The following NBPF15 variants were observed in gnomAD, a reference collection of about 807,000 sequenced individuals.
NBPF15 encodes the protein NBPF member 15.
Under a neutral mutation model 62.2 loss-of-function variants are expected in NBPF15, and 74 were observed. The ratio of observed to expected loss-of-function variants is 1.19; its 90% CI spans 0.99 to 1.44. The LOEUF (loss-of-function observed/expected upper bound fraction) is 1.44. Among genes scored for constraint, NBPF15 ranks in the 40% most tolerant of loss-of-function variants. NBPF15 has a pLI of 0.00. For synonymous variants in NBPF15, 244 were observed against 209.7 expected (o/e 1.16, Z -1.41); for missense variants, 790 against 550.0 (o/e 1.44, Z -4.36).
intron 4 of NBPF15, among the ~76,000 whole-genome samples, chr1:144,455,872 C>T (rs1175636198): frequency 6.6e-6 from 1 of 151,976 alleles, no homozygotes; most frequent in East Asian, 1.9e-4. Context: ...TAATAGTCAC[C>T]CCATGAATGC....
intron 13 of NBPF15, among the ~76,000 whole-genome samples, chr1:144,433,124 A>G (rs1675724913): frequency 2.0e-5 from 3 of 152,096 alleles, no homozygotes; most frequent in Non-Finnish European, 4.4e-5. Context: ...GTGCCATCAA[A>G]TTAGAACCCA....
chr1:144,427,460 T>C lies in NBPF15; in HGVS notation c.1213+358A>G, dbSNP rs371848677. On this transcript the variant is annotated intron_variant, in intron 16 of 21. Transcript: ENST00000581897. Reference sequence around the variant, plus strand: ...TCTCATCAAATACTCAGATTGTTCATGGTAGCAAGGATTTTAGACGCTGAA... The same window carrying C: ...TCTCATCAAATACTCAGATTGTTCACGGTAGCAAGGATTTTAGACGCTGAA... 3.6e-4 allele frequency among the ~76,000 whole-genome samples: 54 copies of C among 150,116 alleles called. No individual in the cohort carries two copies. The East Asian group carries it at 7.1e-3, about 20-fold the overall frequency.
At chr1:144,441,270 G>GTA (rs1682737410) in intron 6 of NBPF15, among the ~76,000 whole-genome samples, 1 of 151,422 alleles carries the variant, frequency 6.6e-6, no homozygotes. Flanking sequence ...CAAAGTATTT[G>GTA]TATTGTTTTA....
chr1:144,433,366 A>G (rs1234818948), intron 13 of NBPF15, among the ~76,000 whole-genome samples: 1 of 152,080 alleles, frequency 6.6e-6, no homozygotes, highest in African/African-American at 2.4e-5. Flanking sequence ...TCTAAAATTG[A>G]CATCCTAACA....
In NBPF15 at chr1:144,442,302, A is replaced by C. The variant is rs1684035675; in HGVS notation, c.-190-2007T>G. ...ACACGTGTATATATTATATATATAT[A>C]TACACGTGTATATATTATATATATA... On this transcript the variant is annotated intron_variant, in intron 6 of 21. Transcript: ENST00000581897. 2.3e-5 allele frequency among the ~76,000 whole-genome samples: 3 copies of C among 129,998 alleles called. No individual in the cohort carries two copies. In the Admixed American group the frequency reaches 2.4e-4, roughly 10 times the overall value. The allele number at this position is 129,998 out of a possible 152,430, so 85.3% of individuals were successfully genotyped here.
chr1:144,440,407 G>T (rs1381689807), intron 6 of NBPF15, 112 bp from the exon 7 acceptor site: 8 of 604,410 alleles, frequency 1.3e-5, no homozygotes, highest in East Asian at 2.8e-5. Flanking sequence ...CTCACCTGAG[G>T]GTCACCACCA....
At chr1:144,445,269 T>G (rs1553543713) in intron 6 of NBPF15, among the ~76,000 whole-genome samples, 1 of 100,190 alleles carries the variant, frequency 1.0e-5, no homozygotes, top group Non-Finnish European at 2.1e-5. Flanking sequence ...TGTCTGTATA[T>G]GTATATATAT....
Position 144,439,968 on chromosome 1 carries a change from C to A in NBPF15, c.36G>T (p.Lys12Asn). The stretch of plus-strand genomic sequence containing the variant: ...TGATTTCTAGAATGTTCATCTCTGC[C>A]TTCTCGCTGGACAAAGGGCCGGCTG... ...VVSAGPLSSE[K>N]AEMNILEINE... The change falls in exon 8 of 22, where the codon AAG becomes AAT. Residue 12 changes from lysine to asparagine, a missense_variant. By Grantham distance (94) the Lys-to-Asn change is moderately conservative. Coordinates refer to ENST00000581897, the MANE Select transcript of NBPF15 (RefSeq NM_001385408.1). 6.2e-7 allele frequency: 1 copy of A among 1,610,664 alleles called. No homozygotes were observed. Among genetic ancestry groups the A allele is most frequent in the South Asian group, 1.1e-5 (1 of 90,950 alleles).
rs1306213854 is a variant in NBPF15, at chr1:144,442,174, AT to A, written c.-190-1880del. Among the ~76,000 whole-genome samples, 5 of 111,132 alleles carry A rather than the reference AT, an allele frequency of 4.5e-5. 1 individual carries two copies. Among genetic ancestry groups the A allele is most frequent in the Middle Eastern group, 4.6e-3 (1 of 218 alleles). 72.9% of individuals were successfully genotyped at this position (111,132 alleles called of 152,430 possible). ...TATATATACACGTGTATATATATATATATATAATATATATACACGTGTATAT... is the reference window on the plus strand; with the variant it reads ...TATATATACACGTGTATATATATATAATATAATATATATACACGTGTATAT... On this transcript the variant is annotated intron_variant, in intron 6 of 21. Coordinates refer to ENST00000581897, the MANE Select transcript of NBPF15 (RefSeq NM_001385408.1).
Position 144,422,654 on chromosome 1 carries a change from A to T in NBPF15, c.*359T>A, listed in dbSNP as rs1666554821. ...CCAGGGTAACACCTTTGGATGAGCTAAACACAAAGATGACAATGACCTTGA... is the reference window on the plus strand; with the variant it reads ...CCAGGGTAACACCTTTGGATGAGCTTAACACAAAGATGACAATGACCTTGA... On this transcript the variant is annotated 3_prime_UTR_variant, in exon 22 of 22. Transcript: ENST00000581897. The T allele has an allele frequency of 2.5e-6, 1 of 403,182 alleles. No individual in the cohort carries two copies. The highest frequency in any genetic ancestry group is 2.4e-5 in the South Asian group (1 of 41,132). The allele number at this position is 403,182 out of a possible 1,614,324, so 25.0% of individuals were successfully genotyped here.
Position 144,423,112 on chromosome 1 carries a change from C to A in NBPF15, c.1914G>T (p.Glu638Asp). ...CCACGTAAAGGGCGAAGCTGATATG[C>A]TCTTCCTCAAATGAGTAAAACACAC... The part of the protein sequence containing the change: ...YRSVFYSFEE[E>D]HISFALYVDN... Residue 638 changes from glutamate to aspartate, a missense_variant, in exon 22 of 22, where the codon GAG becomes GAT. By Grantham distance (45) the Glu-to-Asp change is conservative. Coordinates refer to ENST00000581897, the MANE Select transcript of NBPF15 (RefSeq NM_001385408.1). 6.2e-7 allele frequency: 1 copy of A among 1,611,636 alleles called. No individual in the cohort carries two copies. Among genetic ancestry groups the A allele is most frequent in the Non-Finnish European group, 8.5e-7 (1 of 1,179,618 alleles).
At chr1:144,459,651 G>A (rs199765068) in intron 2 of NBPF15, among the ~76,000 whole-genome samples, 168 bp from the exon 3 acceptor site, 8 of 151,728 alleles carry the variant, frequency 5.3e-5, no homozygotes, top group East Asian at 3.9e-4. Context: ...AGAAAAACAA[G>A]CATATCAATG....
intron 4 of NBPF15, among the ~76,000 whole-genome samples, chr1:144,453,662 A>AAAAAAAAAAAAAAAAG (rs1165682772): frequency 5.8e-5 from 5 of 86,768 alleles, no homozygotes; most frequent in Admixed American, 1.3e-4. Flanking sequence ...AAAAAAAAAA[A>AAAAAAAAAAAAAAAAG]GTGAAACATC....
In NBPF15 at chr1:144,428,701, TC is replaced by T. The variant is rs1194308062; in HGVS notation, c.989-45del. ...GGGCCCTCTTACATTAAGCAGTTCTTCCTTGCACACAGAAACATTCCTCTGT... is the reference window on the plus strand; with the variant it reads ...GGGCCCTCTTACATTAAGCAGTTCTTCTTGCACACAGAAACATTCCTCTGT... On this transcript the variant is annotated intron_variant, in intron 14 of 21. Transcript: ENST00000581897. The T allele has an allele frequency of 5.0e-6, 4 of 805,246 alleles. No homozygotes were observed. The African/African-American group carries it at 6.6e-5, about 13-fold the overall frequency. 49.9% of individuals were successfully genotyped at this position (805,246 alleles called of 1,614,324 possible). A position where few individuals can be genotyped will look rare whatever the true frequency, so the allele number is the denominator to read the frequency against.
chr1:144,434,750 C>T (rs1487706378), intron 12 of NBPF15, among the ~76,000 whole-genome samples: 3 of 151,822 alleles, frequency 2.0e-5, no homozygotes, highest in South Asian at 2.1e-4. Context: ...GGCAAGGCTG[C>T]CAGCTTCCTT....
At chr1:144,433,484 A>G (rs1312363048) in intron 13 of NBPF15, among the ~76,000 whole-genome samples, 7 of 146,718 alleles carry the variant, frequency 4.8e-5, no homozygotes, top group African/African-American at 1.8e-4. Context: ...GACACAAAAA[A>G]CCCTTCAAAA....
chr1:144,453,316 T>G (rs1218246966), intron 4 of NBPF15, among the ~76,000 whole-genome samples: 1 of 151,836 alleles, frequency 6.6e-6, no homozygotes. Context: ...GGTATGCATG[T>G]TATACCCTTT....
rs1406158128 is a variant in NBPF15, at chr1:144,424,428, A to T, written c.1663+262T>A. ...AATCATAGTTCTCTGAATTTGTCAC[A>T]TCTGCCCAGGTCCAATGTCATGAGA... On this transcript the variant is annotated intron_variant, in intron 20 of 21. Transcript: ENST00000581897. 7.9e-5 allele frequency among the ~76,000 whole-genome samples: 12 copies of T among 151,958 alleles called. 1 individual carries two copies. The highest frequency in any genetic ancestry group is 1.5e-4 in the Non-Finnish European group (10 of 67,940).
intron 12 of NBPF15, 143 bp downstream of exon 12, chr1:144,434,968 A>T (rs1553540757): frequency 7.2e-7 from 1 of 1,383,840 alleles, no homozygotes; most frequent in Non-Finnish European, 1.0e-6. Context: ...TTAGCTGAGA[A>T]GGACAAAAAA....
Sources: allele counts gnomAD v4.1 joint callset (sites outside exome capture counted in the v4.1 genomes callset), GRCh38; gene constraint gnomAD v4.1.1; transcripts MANE v1.5; gene names NCBI Gene and HGNC (gene_info 2026-07-23, HGNC 2026-07-21).